The following SYNDIG1L variants were observed in gnomAD, a reference collection of about 807,000 sequenced individuals.
The protein encoded by SYNDIG1L is synapse differentiation inducing 1 like, also known as synapse differentiation-inducing gene protein 1-like.
In SYNDIG1L, 13 loss-of-function variants were observed where a neutral mutation model predicts 20.1. That is an observed-to-expected ratio of 0.65 (90% confidence interval 0.42 to 1.03). The LOEUF (loss-of-function observed/expected upper bound fraction) is 1.03, where lower values mean the gene tolerates loss of function less well. SYNDIG1L is among the 50% of genes least tolerant of loss of function. SYNDIG1L has a pLI of 0.00. For synonymous variants in SYNDIG1L, 128 were observed against 129.3 expected, an observed-to-expected ratio of 0.99 and a Z score of 0.07; for missense variants, 294 against 305.1, an observed-to-expected ratio of 0.96 and a Z score of 0.27.
intron 1 of SYNDIG1L, among the ~76,000 whole-genome samples, chr14:74,423,257 C>A (rs1473813261): frequency 6.6e-6 from 1 of 152,156 alleles, no homozygotes; most frequent in Non-Finnish European, 1.5e-5. Context: ...ATGCCCTGCA[C>A]CCTGACAGCT....
the SYNDIG1L span, among the ~76,000 whole-genome samples, chr14:74,464,592 C>T: frequency 1.3e-5 from 2 of 152,124 alleles, no homozygotes; most frequent in Admixed American, 6.5e-5. Context: ...CAGAAAACTC[C>T]GGCTTTCTGG....
chr14:74,423,776 C>A (rs2086243351), intron 1 of SYNDIG1L, among the ~76,000 whole-genome samples: 1 of 151,926 alleles, frequency 6.6e-6, no homozygotes, highest in African/African-American at 2.4e-5. Flanking sequence ...CTCCTCTGGT[C>A]TTCCTAGGAG....
At chr14:74,469,706 C>T in the SYNDIG1L span, among the ~76,000 whole-genome samples, 2 of 152,184 alleles carry the variant, frequency 1.3e-5, no homozygotes, top group East Asian at 3.9e-4. Context: ...TACTTATGCT[C>T]ACAGACTGAG....
At chr14:74,473,376 C>A in the SYNDIG1L span, among the ~76,000 whole-genome samples, 1 of 152,044 alleles carries the variant, frequency 6.6e-6, no homozygotes, top group Non-Finnish European at 1.5e-5. Flanking sequence ...CAGAGTGAGA[C>A]TCCATCTCAA....
the SYNDIG1L span, among the ~76,000 whole-genome samples, chr14:74,439,850 G>C: frequency 6.8e-6 from 1 of 147,424 alleles, no homozygotes; most frequent in African/African-American, 2.6e-5. Context: ...TTACACTCCA[G>C]CCTGGGCAAC....
At chr14:74,419,842 A>T (rs1316451815) in intron 1 of SYNDIG1L, among the ~76,000 whole-genome samples, 1 of 152,156 alleles carries the variant, frequency 6.6e-6, no homozygotes, top group Non-Finnish European at 1.5e-5. Flanking sequence ...TTTCCAGAAG[A>T]GGTTATAGCA....
chr14:74,409,244 A>G lies in SYNDIG1L; in HGVS notation c.417+84T>C, dbSNP rs2086110427. Reference sequence around the variant, plus strand: ...CAGGCACATGCCACCACGCCAGGCTAATTTTCAATTTTTTTTTTTTGTAGA... The same window carrying G: ...CAGGCACATGCCACCACGCCAGGCTGATTTTCAATTTTTTTTTTTTGTAGA... On this transcript the variant is annotated intron_variant, in intron 2 of 3. Coordinates refer to ENST00000331628, the MANE Select transcript of SYNDIG1L (RefSeq NM_001105579.2). 6 of 1,073,824 alleles carry G rather than the reference A, an allele frequency of 5.6e-6. No homozygotes were observed. In the East Asian group the frequency reaches 1.6e-4, roughly 28 times the overall value. 66.5% of individuals were successfully genotyped at this position (1,073,824 alleles called of 1,614,324 possible).
At chr14:74,413,021 AC>A (rs1451320961) in intron 1 of SYNDIG1L, among the ~76,000 whole-genome samples, 1 of 152,150 alleles carries the variant, frequency 6.6e-6, no homozygotes, top group Non-Finnish European at 1.5e-5. Context: ...GCTCTGTCTC[AC>A]CAGGAGGACT....
the SYNDIG1L span, among the ~76,000 whole-genome samples, chr14:74,460,759 C>T: frequency 2.8e-3 from 424 of 152,302 alleles, 5 homozygotes; most frequent in African/African-American, 9.9e-3. Flanking sequence ...CCTCAGCCTC[C>T]CATGTATTAA....
the SYNDIG1L span, among the ~76,000 whole-genome samples, chr14:74,437,024 ACT>A: frequency 6.5e-4 from 99 of 151,622 alleles, no homozygotes; most frequent in African/African-American, 2.3e-3. Flanking sequence ...CCTTCACTTG[ACT>A]CTGAGTTTCT....
chr14:74,430,579 G>T (rs554485089), upstream of SYNDIG1L, among the ~76,000 whole-genome samples: 20 of 152,060 alleles, frequency 1.3e-4, no homozygotes, highest in South Asian at 4.0e-3. Flanking sequence ...GGGATTACAG[G>T]TGTGTGCTAC....
chr14:74,477,644 A>C, the SYNDIG1L span, among the ~76,000 whole-genome samples: 1 of 152,324 alleles, frequency 6.6e-6, no homozygotes, highest in East Asian at 1.9e-4. Context: ...ATTTGACTGA[A>C]TACTAGTCTT....
At chr14:74,429,261 A>T (rs561597745), upstream of SYNDIG1L, among the ~76,000 whole-genome samples, 6 of 152,290 alleles carry the variant, frequency 3.9e-5, no homozygotes, top group South Asian at 1.2e-3. Flanking sequence ...CACTGGCTGA[A>T]AACCTGGGAG....
chr14:74,479,993 G>A, the SYNDIG1L span: 10 of 1,400,438 alleles, frequency 7.1e-6, no homozygotes, highest in Non-Finnish European at 9.3e-6. Context: ...ATTTCCAGGT[G>A]TAGAAAGAGG....
the SYNDIG1L span, among the ~76,000 whole-genome samples, chr14:74,433,742 A>G: frequency 4.3e-3 from 653 of 152,224 alleles, 6 homozygotes; most frequent in African/African-American, 0.015. Flanking sequence ...CCTATTATGC[A>G]GATGTGAAAA....
the SYNDIG1L span, among the ~76,000 whole-genome samples, chr14:74,456,731 A>G: frequency 1.3e-5 from 2 of 152,094 alleles, no homozygotes; most frequent in African/African-American, 4.8e-5. Context: ...ACCACTGTCC[A>G]GGAGCCTGGT....
chr14:74,442,372 A>T, the SYNDIG1L span, among the ~76,000 whole-genome samples: 1 of 152,226 alleles, frequency 6.6e-6, no homozygotes, highest in African/African-American at 2.4e-5. Context: ...TTTTCCTGGG[A>T]AGGTGATACT....
At chr14:74,427,045 G>T (rs1250529264), upstream of SYNDIG1L, among the ~76,000 whole-genome samples, 1 of 151,232 alleles carries the variant, frequency 6.6e-6, no homozygotes, top group Non-Finnish European at 1.5e-5. Flanking sequence ...AGAGCCCTGA[G>T]ATCCGAATGC....
the SYNDIG1L span, among the ~76,000 whole-genome samples, chr14:74,452,434 C>T: frequency 6.6e-6 from 1 of 152,176 alleles, no homozygotes; most frequent in Admixed American, 6.5e-5. Flanking sequence ...TATGAGTTCT[C>T]ATGAGATCTG....
Sources: gnomAD v4.1 joint callset for allele counts (sites outside exome capture counted in the v4.1 genomes callset) on GRCh38, gnomAD v4.1.1 for gene constraint, MANE v1.5 for transcripts, NCBI Gene and HGNC (gene_info 2026-07-23, HGNC 2026-07-21) for gene names.